The following ENTPD1 variants were observed in gnomAD, a reference collection of about 807,000 sequenced individuals.
The protein encoded by ENTPD1 is ectonucleoside triphosphate diphosphohydrolase 1.
ENTPD1 carries 33 observed loss-of-function variants against 57.0 expected under a neutral mutation model. The ratio of observed to expected loss-of-function variants is 0.58; its 90% CI spans 0.44 to 0.77. The LOEUF (loss-of-function observed/expected upper bound fraction) is 0.77. Among genes scored for constraint, ENTPD1 ranks in the 30% least tolerant of loss-of-function variants. The pLI is 0.00. For missense variants in ENTPD1, 501 were observed against 603.4 expected (o/e 0.83, Z 1.78); for synonymous variants, 202 against 218.8 (o/e 0.92, Z 0.68).
intron 1 of ENTPD1, among the ~76,000 whole-genome samples, chr10:95,734,216 C>T (rs2097992129): frequency 6.6e-6 from 1 of 152,210 alleles, no homozygotes; most frequent in Admixed American, 6.5e-5. Flanking sequence ...TCTATAGATG[C>T]ACTTTCCCCA....
At chr10:95,751,854 G>C (rs965608256), upstream of ENTPD1, among the ~76,000 whole-genome samples, 1 of 152,162 alleles carries the variant, frequency 6.6e-6, no homozygotes, top group Non-Finnish European at 1.5e-5. Flanking sequence ...ATGGAAATAT[G>C]GATCTGGTGC....
At chr10:95,776,247 G>A (rs180803771) in intron 1 of ENTPD1, among the ~76,000 whole-genome samples, 3 of 152,200 alleles carry the variant, frequency 2.0e-5, no homozygotes, top group African/African-American at 7.2e-5. Flanking sequence ...CAGTCTTTAC[G>A]ATTTGGCATG....
chr10:95,786,450 G>A (rs1311594220), intron 1 of ENTPD1, among the ~76,000 whole-genome samples: 2 of 152,128 alleles, frequency 1.3e-5, no homozygotes, highest in African/African-American at 4.8e-5. Flanking sequence ...GTAGGGGAGG[G>A]AGAAGGAATG....
At chr10:95,703,207 A>G in the ENTPD1 span, among the ~76,000 whole-genome samples, 1 of 152,218 alleles carries the variant, frequency 6.6e-6, no homozygotes, top group Non-Finnish European at 1.5e-5. Context: ...ATAAAAATGT[A>G]TTTATAAACC....
intron 8 of ENTPD1, 118 bp from the exon 9 acceptor site, chr10:95,864,606 C>T: frequency 7.1e-7 from 1 of 1,415,688 alleles, no homozygotes. Context: ...AGAGGCCAAC[C>T]TTCAGGTGCA....
At chr10:95,850,781 G>A (rs2098443693) in intron 7 of ENTPD1, among the ~76,000 whole-genome samples, 1 of 152,196 alleles carries the variant, frequency 6.6e-6, no homozygotes, top group Non-Finnish European at 1.5e-5. Flanking sequence ...GGGAGTTCCT[G>A]TTATCGAGTC....
In ENTPD1 at chr10:95,873,050, A is replaced by C. The variant is rs1193720075; in HGVS notation, c.*6667A>C. Reference sequence around the variant, plus strand: ...ATTACCCAGGGATTTTGTTGAAATAAAAATTATTTAATTTTAATTAATATA... The same window carrying C: ...ATTACCCAGGGATTTTGTTGAAATACAAATTATTTAATTTTAATTAATATA... On this transcript the variant is annotated 3_prime_UTR_variant, in exon 10 of 10. Coordinates refer to ENST00000371205, the MANE Select transcript of ENTPD1 (RefSeq NM_001776.6). 2 of 945,694 alleles carry C rather than the reference A, an allele frequency of 2.1e-6. No homozygotes were observed. Among genetic ancestry groups the C allele is most frequent in the Non-Finnish European group, 1.3e-6 (1 of 793,906 alleles). The allele number at this position is 945,694 out of a possible 1,614,324, so 58.6% of individuals were successfully genotyped here. A position where few individuals can be genotyped will look rare whatever the true frequency, so the allele number is the denominator to read the frequency against.
chr10:95,811,225 A>G (rs142939980), intron 1 of ENTPD1, among the ~76,000 whole-genome samples: 1 of 152,352 alleles, frequency 6.6e-6, no homozygotes, highest in African/African-American at 2.4e-5. Flanking sequence ...AATTCTGCCC[A>G]AAGAGTACAG....
At chr10:95,856,979 T>C (rs2098456204) in intron 7 of ENTPD1, among the ~76,000 whole-genome samples, 1 of 152,110 alleles carries the variant, frequency 6.6e-6, no homozygotes, top group Non-Finnish European at 1.5e-5. Context: ...TTTTAACTTG[T>C]ATTATTTAAA....
Position 95,870,192 on chromosome 10 carries a change from T to A in ENTPD1, c.*3809T>A, listed in dbSNP as rs1007743993. ...TGCCTGTTATTCAGTCCAAGATGCA[T>A]GACAAGAGACCTTGGGAAAGTTTCA... is the stretch of plus-strand genomic sequence containing the variant. On this transcript the variant is annotated 3_prime_UTR_variant, in exon 10 of 10. Transcript: ENST00000371205. 2.6e-5 allele frequency: 26 copies of A among 985,362 alleles called. No individual in the cohort carries two copies. The highest frequency in any genetic ancestry group is 1.2e-5 in the Non-Finnish European group (10 of 829,948). 61.0% of individuals were successfully genotyped at this position (985,362 alleles called of 1,614,324 possible). A position where few individuals can be genotyped will look rare whatever the true frequency, so the allele number is the denominator to read the frequency against.
intron 1 of ENTPD1, among the ~76,000 whole-genome samples, chr10:95,780,205 G>A (rs2140175309): frequency 6.6e-6 from 1 of 152,284 alleles, no homozygotes. Context: ...TTGAACATCT[G>A]TCCTCCCATG....
chr10:95,802,056 G>T (rs1035390314), intron 1 of ENTPD1, among the ~76,000 whole-genome samples: 1 of 152,136 alleles, frequency 6.6e-6, no homozygotes, highest in Admixed American at 6.5e-5. Flanking sequence ...GCCCTCGGGA[G>T]GTCCTGAGAA....
At chr10:95,760,193 T>C (rs953088317) in intron 1 of ENTPD1, among the ~76,000 whole-genome samples, 1 of 152,034 alleles carries the variant, frequency 6.6e-6, no homozygotes, top group African/African-American at 2.4e-5. Flanking sequence ...AAAATAATAA[T>C]ACAAGAGAAA....
At chr10:95,704,337 A>G in the ENTPD1 span, among the ~76,000 whole-genome samples, 1 of 152,166 alleles carries the variant, frequency 6.6e-6, no homozygotes, top group East Asian at 1.9e-4. Flanking sequence ...TACCAAGAGA[A>G]TCTTAAAGAA....
At chr10:95,698,769 A>T in the ENTPD1 span, among the ~76,000 whole-genome samples, 3 of 152,208 alleles carry the variant, frequency 2.0e-5, no homozygotes. Context: ...TTTTTTCTTT[A>T]TAAATTACCC....
At chr10:95,800,337 G>C (rs943652144) in intron 1 of ENTPD1, among the ~76,000 whole-genome samples, 1 of 152,124 alleles carries the variant, frequency 6.6e-6, no homozygotes, top group Non-Finnish European at 1.5e-5. Context: ...TATGAACAGG[G>C]AGTAAGTCAC....
intron 1 of ENTPD1, among the ~76,000 whole-genome samples, chr10:95,779,448 G>C (rs543654125): frequency 6.6e-6 from 1 of 152,304 alleles, no homozygotes; most frequent in East Asian, 1.9e-4. Flanking sequence ...ATAGGGTCCA[G>C]ATATGCTCTG....
chr10:95,845,380 CCCAT>C lies in ENTPD1; in HGVS notation c.598_601del (p.Pro200MetfsTer90). The C allele has an allele frequency of 1.2e-6, 2 of 1,614,166 alleles. No individual in the cohort carries two copies. Among genetic ancestry groups the C allele is most frequent in the Non-Finnish European group, 8.5e-7 (1 of 1,180,032 alleles). On this transcript the variant is annotated frameshift_variant, in exon 6 of 10. Coordinates refer to ENST00000371205, the MANE Select transcript of ENTPD1 (RefSeq NM_001776.6). LOFTEE classifies it high-confidence loss of function. The stretch of plus-strand genomic sequence containing the variant: ...AGAAAACAAGGTGGTTCAGCATAGT[CCCAT>C]ATGAAACCAATAATCAGGAAACCTT...
chr10:95,712,026 T>C, intron 1 of ENTPD1: 1 of 1,613,706 alleles, frequency 6.2e-7, no homozygotes. Context: ...GCTCCCGGCC[T>C]CTCTCCCTCT....
Sources: allele counts gnomAD v4.1 joint callset (sites outside exome capture counted in the v4.1 genomes callset), GRCh38; gene constraint gnomAD v4.1.1; transcripts MANE v1.5; gene names NCBI Gene and HGNC (gene_info 2026-07-23, HGNC 2026-07-21).